PKIA: variants seen among roughly 807,000 people sequenced by gnomAD.
PKIA encodes PKI-alpha.
In PKIA, 4 loss-of-function variants were observed where a neutral mutation model predicts 7.6. The observed-to-expected ratio is 0.52, with a 90% CI of 0.26 to 1.20. The LOEUF is 1.20. PKIA is among the 50% of genes most tolerant of loss of function. The pLI is 0.13. For missense variants in PKIA, 73 were observed against 86.2 expected (o/e 0.85, Z 0.61); for synonymous variants, 21 against 30.7 (o/e 0.68, Z 1.04).
At chr8:78,570,806 CT>C (rs1807528777) in intron 1 of PKIA, among the ~76,000 whole-genome samples, 1 of 152,068 alleles carries the variant, frequency 6.6e-6, no homozygotes, top group South Asian at 2.1e-4. Context: ...CTTAACCATT[CT>C]TTTTCTTTCT....
chr8:78,557,746 G>A (rs1807176304), intron 1 of PKIA, among the ~76,000 whole-genome samples: 1 of 152,274 alleles, frequency 6.6e-6, no homozygotes, highest in South Asian at 2.1e-4. Context: ...TGCCTGTGAT[G>A]GGGACAGCTA....
Position 78,517,031 on chromosome 8 carries a change from C to G in PKIA, c.-157+563C>G, listed in dbSNP as rs75966326. On this transcript the variant is annotated intron_variant, in intron 1 of 3. Transcript: ENST00000396418. ...GGAGTTCAGCTTGGGTTGAGCAGCA[C>G]TTGACATCGCTTCTTCCTTCAATTG... Among the ~76,000 whole-genome samples, 824 of 152,330 alleles carry G rather than the reference C, an allele frequency of 5.4e-3. 4 individuals carry two copies. The highest frequency in any genetic ancestry group is 0.024 in the Middle Eastern group (7 of 294).
intron 1 of PKIA, among the ~76,000 whole-genome samples, chr8:78,567,775 C>G (rs547642656): frequency 3.9e-5 from 6 of 152,260 alleles, no homozygotes; most frequent in Non-Finnish European, 7.4e-5. Flanking sequence ...TTAATTTAAT[C>G]CCTTGTTTAC....
chr8:78,542,192 T>A lies in PKIA; in HGVS notation c.-157+25724T>A, dbSNP rs548576020. On this transcript the variant is annotated intron_variant, in intron 1 of 3. Transcript: ENST00000396418. The stretch of plus-strand genomic sequence containing the variant: ...AATACAGTAAGAAGAGCCATGCCAC[T>A]CCTTGTATTTATGCCACTTTGTTTT... 5.9e-5 allele frequency among the ~76,000 whole-genome samples: 9 copies of A among 152,096 alleles called. No individual in the cohort carries two copies. In the South Asian group the frequency reaches 1.9e-3, roughly 32 times the overall value.
At chr8:78,592,099 A>C (rs1808111911) in intron 2 of PKIA, among the ~76,000 whole-genome samples, 1 of 152,106 alleles carries the variant, frequency 6.6e-6, no homozygotes, top group African/African-American at 2.4e-5. Flanking sequence ...CTAAATTAGA[A>C]GACCTGTGTC....
chr8:78,563,115 G>T (rs1215218294), intron 1 of PKIA, among the ~76,000 whole-genome samples: 5 of 151,932 alleles, frequency 3.3e-5, no homozygotes, highest in Non-Finnish European at 5.9e-5. Flanking sequence ...TGACTCTAAG[G>T]CCAATCTGTG....
intron 1 of PKIA, among the ~76,000 whole-genome samples, chr8:78,561,131 C>T (rs1807274897): frequency 6.6e-6 from 1 of 152,100 alleles, no homozygotes. Context: ...AATTTGCCTT[C>T]CTCTGAGATA....
intron 3 of PKIA, among the ~76,000 whole-genome samples, chr8:78,600,477 AGT>A (rs1563596311): frequency 1.3e-5 from 2 of 152,102 alleles, no homozygotes; most frequent in East Asian, 3.9e-4. Context: ...ATGGGAGTCA[AGT>A]TCCTCATCTT....
At chr8:78,584,164 T>C (rs955130247) in intron 2 of PKIA, among the ~76,000 whole-genome samples, 1 of 151,328 alleles carries the variant, frequency 6.6e-6, no homozygotes, top group African/African-American at 2.4e-5. Context: ...TACTGGGAAG[T>C]GTGTGTGTGT....
Position 78,579,305 on chromosome 8 carries a change from G to GT in PKIA, c.-28+6367dup, listed in dbSNP as rs1453724407. On this transcript the variant is annotated intron_variant, in intron 2 of 3. Transcript: ENST00000396418. ...AATCTTCCAAAGAAATTTAAACCAGGTAACATTCCTGTCCAAAACCCTGGC... is the reference window on the plus strand; with the variant it reads ...AATCTTCCAAAGAAATTTAAACCAGGTTAACATTCCTGTCCAAAACCCTGGC... Among the ~76,000 whole-genome samples the GT allele has an allele frequency of 9.2e-5, 14 of 151,816 alleles. 1 individual carries two copies. Among genetic ancestry groups the GT allele is most frequent in the Admixed American group, 7.2e-4 (11 of 15,194 alleles).
chr8:78,605,035 G>A lies in PKIA; in HGVS notation c.*3214G>A, dbSNP rs1002471891. On this transcript the variant is annotated 3_prime_UTR_variant, in exon 4 of 4. Transcript: ENST00000396418. ...AGAAATGTAACTGCCGGGCAGCAAA[G>A]CTTCTAAGTGAAACCTGTAGTAGCA... 1 of 151,928 alleles carries A rather than the reference G, an allele frequency of 6.6e-6. No individual in the cohort carries two copies. Among genetic ancestry groups the A allele is most frequent in the Non-Finnish European group, 1.5e-5 (1 of 67,938 alleles). 9.4% of individuals were successfully genotyped at this position (151,928 alleles called of 1,614,324 possible).
At chr8:78,595,903 C>T (rs1436870874) in intron 2 of PKIA, among the ~76,000 whole-genome samples, 1 of 152,142 alleles carries the variant, frequency 6.6e-6, no homozygotes, top group Non-Finnish European at 1.5e-5. Context: ...AATGTGATTG[C>T]TGGGTCTAAT....
intron 1 of PKIA, among the ~76,000 whole-genome samples, chr8:78,567,366 G>A (rs1807439954): frequency 6.6e-6 from 1 of 151,988 alleles, no homozygotes; most frequent in Non-Finnish European, 1.5e-5. Context: ...CCCCTTAGTT[G>A]TGACAATTTC....
At chr8:78,523,957 T>A (rs893796417) in intron 1 of PKIA, among the ~76,000 whole-genome samples, 62 of 136,078 alleles carry the variant, frequency 4.6e-4, no homozygotes, top group Admixed American at 3.6e-3. Context: ...TATATTTATA[T>A]ATAAATATAT....
At chr8:78,592,462 A>G (rs1186554758) in intron 2 of PKIA, among the ~76,000 whole-genome samples, 1 of 152,144 alleles carries the variant, frequency 6.6e-6, no homozygotes, top group Non-Finnish European at 1.5e-5. Context: ...AAAGGTTCAG[A>G]ATTGGATGCA....
At chr8:78,536,547 T>C (rs1806528252) in intron 1 of PKIA, among the ~76,000 whole-genome samples, 1 of 152,070 alleles carries the variant, frequency 6.6e-6, no homozygotes, top group Non-Finnish European at 1.5e-5. Context: ...GTGCAAATAC[T>C]ATTAACTAGC....
In PKIA at chr8:78,602,694, A is replaced by AATATAT. The variant is rs34597437; in HGVS notation, c.*888_*893dup. 109 of 136,980 alleles carry AATATAT rather than the reference A, an allele frequency of 8.0e-4. 3 individuals carry two copies. The highest frequency in any genetic ancestry group is 3.7e-3 in the Middle Eastern group (1 of 268). 8.5% of individuals were successfully genotyped at this position (136,980 alleles called of 1,614,324 possible). On this transcript the variant is annotated 3_prime_UTR_variant, in exon 4 of 4. Transcript: ENST00000396418. ...CTCAAGTGGAGAACTTCTCCCACAT[A>AATATAT]ATATATATATATATATATATTTTAA...
At chr8:78,528,570 A>G (rs1336577707) in intron 1 of PKIA, among the ~76,000 whole-genome samples, 1 of 151,756 alleles carries the variant, frequency 6.6e-6, no homozygotes, top group Non-Finnish European at 1.5e-5. Context: ...CATGCCAGTA[A>G]TCTCAGTGAT....
chr8:78,548,269 AT>A lies in PKIA; in HGVS notation c.-156-24536del, dbSNP rs574438435. 7.8e-4 allele frequency among the ~76,000 whole-genome samples: 119 copies of A among 152,126 alleles called. 1 individual carries two copies. The highest frequency in any genetic ancestry group is 2.8e-3 in the African/African-American group (115 of 41,542). ...TTAGGGAATATGTGAGTGATGTTTT[AT>A]TTTTTATACATTGCCTTATTATGCA... On this transcript the variant is annotated intron_variant, in intron 1 of 3. Coordinates refer to ENST00000396418, the MANE Select transcript of PKIA (RefSeq NM_006823.4).
Sources: gnomAD v4.1 joint callset for allele counts (sites outside exome capture counted in the v4.1 genomes callset) on GRCh38, gnomAD v4.1.1 for gene constraint, MANE v1.5 for transcripts, NCBI Gene and HGNC (gene_info 2026-07-23, HGNC 2026-07-21) for gene names.